Variants in EFCAB6 observed in about 807,000 individuals in gnomAD.
The protein encoded by EFCAB6 is EF-hand calcium-binding domain-containing protein 6.
Under a neutral mutation model 169.8 loss-of-function variants are expected in EFCAB6, and 156 were observed. The observed-to-expected ratio is 0.92, with a 90% confidence interval of 0.81 to 1.05. The LOEUF is 1.05. Ranked by LOEUF, EFCAB6 falls within the 50% of genes least tolerant of loss-of-function variation. The pLI is 0.00. For missense variants in EFCAB6, 1,800 were observed against 1,829.1 expected (o/e 0.98, Z 0.29); for synonymous variants, 698 against 676.4 (o/e 1.03, Z -0.50).
rs1019553613 is a variant in EFCAB6 at position 43,753,410 on chromosome 22, A to T, written c.507+2356T>A. On this transcript the variant is annotated intron_variant, in intron 6 of 31. Transcript: ENST00000262726. ...TGCAGATTAAACCAGAGCCAGGACC[A>T]GGTGGATCCCGAAGAGGACACGCTG... Among the ~76,000 whole-genome samples the T allele has an allele frequency of 1.2e-4, 18 of 152,340 alleles. No individual in the cohort carries two copies. The South Asian group carries it at 1.2e-3, about 11-fold the overall frequency.
intron 6 of EFCAB6, among the ~76,000 whole-genome samples, chr22:43,753,738 T>C (rs2060855370): frequency 6.6e-6 from 1 of 152,082 alleles, no homozygotes; most frequent in Admixed American, 6.5e-5. Context: ...AGTGCTGGGG[T>C]TCAGCTGGTT....
At chr22:43,730,908 G>A (rs2147612334) in intron 8 of EFCAB6, among the ~76,000 whole-genome samples, 1 of 152,266 alleles carries the variant, frequency 6.6e-6, no homozygotes, top group East Asian at 1.9e-4. Context: ...TAGTGAGAGG[G>A]ATCTGAGAAT....
At chr22:43,682,749 T>C (rs2058053580) in intron 12 of EFCAB6, among the ~76,000 whole-genome samples, 1 of 152,208 alleles carries the variant, frequency 6.6e-6, no homozygotes, top group South Asian at 2.1e-4. Context: ...AGTGAGTGTA[T>C]ATATCGCCGA....
intron 17 of EFCAB6, among the ~76,000 whole-genome samples, chr22:43,640,898 T>G (rs972383663): frequency 6.6e-6 from 1 of 152,150 alleles, no homozygotes; most frequent in Non-Finnish European, 1.5e-5. Flanking sequence ...ACTTTCTGGG[T>G]GCTACAGCAA....
In EFCAB6 at chr22:43,543,436, C is replaced by T. The variant is rs1442915331; in HGVS notation, c.3649-3079G>A. On this transcript the variant is annotated intron_variant, in intron 27 of 31. Transcript: ENST00000262726. ...GTGTGCACGGGGCCACTTCTCCAGA[C>T]CCCCCGATAGGATGCAGAAGCCTTA... Among the ~76,000 whole-genome samples the T allele has an allele frequency of 3.9e-5, 6 of 152,144 alleles. No individual in the cohort carries two copies. In the East Asian group the frequency reaches 1.2e-3, roughly 29 times the overall value.
At chr22:43,586,421 T>C (rs2051077946) in intron 24 of EFCAB6, among the ~76,000 whole-genome samples, 1 of 139,154 alleles carries the variant, frequency 7.2e-6, no homozygotes, top group African/African-American at 2.7e-5. Context: ...CAATCATAGC[T>C]CATTGCAGCC....
At chr22:43,709,562 C>T (rs1459360741) in intron 10 of EFCAB6, among the ~76,000 whole-genome samples, 3 of 152,110 alleles carry the variant, frequency 2.0e-5, no homozygotes, top group Admixed American at 1.3e-4. Flanking sequence ...AACTGTGATG[C>T]ACTCTGATTA....
At chr22:43,664,774 T>C (rs965809378) in intron 17 of EFCAB6, among the ~76,000 whole-genome samples, 5 of 152,092 alleles carry the variant, frequency 3.3e-5, no homozygotes, top group African/African-American at 9.7e-5. Flanking sequence ...AGGGAGGTGG[T>C]TGGACCATGC....
chr22:43,530,157 C>T (rs371977125), intron 31 of EFCAB6, among the ~76,000 whole-genome samples: 12 of 152,362 alleles, frequency 7.9e-5, no homozygotes, highest in Admixed American at 6.5e-5. Context: ...CCCAGCACCA[C>T]GCCCGAATTC....
intron 10 of EFCAB6, 81 bp downstream of exon 10, chr22:43,711,394 T>TA: frequency 7.3e-7 from 1 of 1,374,142 alleles, no homozygotes; most frequent in Middle Eastern, 2.5e-4. Flanking sequence ...AAAACATTAA[T>TA]AAAAAATAAA....
intron 2 of EFCAB6, chr22:43,797,435 C>G (rs17570072): frequency 0.052 from 8,007 of 152,588 alleles, 343 homozygotes; most frequent in South Asian, 0.15. Context: ...AAGAATGGAG[C>G]CTTTGGGTTT....
chr22:43,778,758 G>T (rs1394503452), intron 3 of EFCAB6, among the ~76,000 whole-genome samples: 1 of 152,184 alleles, frequency 6.6e-6, no homozygotes, highest in African/African-American at 2.4e-5. Flanking sequence ...CAAAGTCAAG[G>T]CACAGCTTAC....
intron 6 of EFCAB6, among the ~76,000 whole-genome samples, chr22:43,746,133 G>A (rs900761557): frequency 2.0e-5 from 3 of 152,186 alleles, no homozygotes; most frequent in East Asian, 1.9e-4. Flanking sequence ...AGCGGGAAGC[G>A]GGGGCCGGGC....
intron 10 of EFCAB6, among the ~76,000 whole-genome samples, chr22:43,705,568 G>A (rs1408640233): frequency 6.6e-6 from 1 of 152,026 alleles, no homozygotes; most frequent in Non-Finnish European, 1.5e-5. Context: ...CAATAATGGG[G>A]AATTTTGAAA....
chr22:43,701,873 A>G lies in EFCAB6; in HGVS notation c.1031+9602T>C, dbSNP rs78747912. On this transcript the variant is annotated intron_variant, in intron 10 of 31. Transcript: ENST00000262726. ...AATGTAAACTTCAAAACAGTGAGGT[A>G]TCATATAATAAAAGGGAAATAACAG... 4.0e-3 allele frequency among the ~76,000 whole-genome samples: 607 copies of G among 152,306 alleles called. 3 individuals are homozygous for G. The highest frequency in any genetic ancestry group is 0.019 in the South Asian group (93 of 4,828).
rs558704765 is a variant in EFCAB6, at chr22:43,687,305, A to C, written c.1142+166T>G. Among the ~76,000 whole-genome samples, 11 of 152,370 alleles carry C rather than the reference A, an allele frequency of 7.2e-5. 1 individual carries two copies. In the East Asian group the frequency reaches 7.7e-4, roughly 11 times the overall value. ...TTATAGTTTAAGGCAGTTTTCAATA[A>C]GAAAAATTTGTAAGCAGTAAATCAC... is the stretch of plus-strand genomic sequence containing the variant. On this transcript the variant is annotated intron_variant, in intron 11 of 31. Transcript: ENST00000262726.
At chr22:43,555,147 T>C in intron 26 of EFCAB6, 51 bp from the exon 27 acceptor site, 1 of 1,590,644 alleles carries the variant, frequency 6.3e-7, no homozygotes, top group Non-Finnish European at 8.6e-7. Flanking sequence ...ATCGACCACC[T>C]CTTGCTCTGG....
intron 2 of EFCAB6, among the ~76,000 whole-genome samples, chr22:43,801,947 C>T (rs995057506): frequency 6.6e-6 from 1 of 152,148 alleles, no homozygotes; most frequent in African/African-American, 2.4e-5. Context: ...AAACAACACC[C>T]AACAATATGC....
At chr22:43,710,719 G>C (rs1352467743) in intron 10 of EFCAB6, among the ~76,000 whole-genome samples, 1 of 152,150 alleles carries the variant, frequency 6.6e-6, no homozygotes, top group African/African-American at 2.4e-5. Context: ...AACAATGGTT[G>C]ATAAGATCAC....
Sources: allele counts gnomAD v4.1 joint callset (sites outside exome capture counted in the v4.1 genomes callset), GRCh38; gene constraint gnomAD v4.1.1; transcripts MANE v1.5; gene names NCBI Gene and HGNC (gene_info 2026-07-23, HGNC 2026-07-21).